Variants in OR2H2 observed in about 807,000 individuals in gnomAD.
OR2H2 encodes olfactory receptor 2H2.
For synonymous variants in OR2H2, 146 were observed against 132.4 expected (o/e 1.10, Z -0.71); for missense variants, 295 against 313.7 (o/e 0.94, Z 0.45).
rs1562047505 is a variant in OR2H2 at position 29,588,325 on chromosome 6, C to A, written c.381C>A (p.Pro127=). The part of the protein sequence containing the change: ...AFDRYVAVCQ[P]LHYATIIHPR... The stretch of plus-strand genomic sequence containing the variant: ...ATCGCTACGTGGCTGTCTGCCAGCC[C>A]CTCCACTATGCCACCATCATCCACC... Residue 127 remains proline (P), a synonymous_variant, in exon 2 of 2, where the codon CCC becomes CCA. Transcript: ENST00000641840. 3 of 1,613,026 alleles carry A rather than the reference C, an allele frequency of 1.9e-6. No homozygotes were observed. Among genetic ancestry groups the A allele is most frequent in the Admixed American group, 3.3e-5 (2 of 60,026 alleles).
Position 29,585,277 on chromosome 6 carries a change from G to T in OR2H2, c.-349G>T, listed in dbSNP as rs960649780. The T allele has an allele frequency of 1.3e-5, 2 of 152,174 alleles. No homozygotes were observed. Among genetic ancestry groups the T allele is most frequent in the African/African-American group, 4.8e-5 (2 of 41,438 alleles). The allele number at this position is 152,174 out of a possible 1,614,324, so 9.4% of individuals were successfully genotyped here. ...TTTTGTTTCTTCCTGATGTACAAGT[G>T]GAGGCTGGGCACCAGTTAAGAGCTC... On this transcript the variant is annotated 5_prime_UTR_variant, in exon 1 of 2. Coordinates refer to ENST00000641840, the MANE Select transcript of OR2H2 (RefSeq NM_007160.4).
chr6:29,588,493 T>G lies in OR2H2; in HGVS notation c.549T>G (p.Ile183Met). The change falls in exon 2 of 2, where the codon ATT (isoleucine) becomes ATG (methionine). Residue 183 changes from isoleucine to methionine, a missense_variant. Transcript: ENST00000641840. ...TTGTCTGTGAGGTCCCAGCTCTAATTCGACTCTCCTGTGAAGACACCTCCT... is the reference window on the plus strand; with the variant it reads ...TTGTCTGTGAGGTCCCAGCTCTAATGCGACTCTCCTGTGAAGACACCTCCT... ...DDFVCEVPAL[I>M]RLSCEDTSYN... 1 of 1,054,856 alleles carries G rather than the reference T, an allele frequency of 9.5e-7. No individual in the cohort carries two copies. Among genetic ancestry groups the G allele is most frequent in the South Asian group, 1.3e-5 (1 of 79,984 alleles). The allele number at this position is 1,054,856 out of a possible 1,614,324, so 65.3% of individuals were successfully genotyped here.
chr6:29,587,800 G>A lies in OR2H2; in HGVS notation c.-145G>A. On this transcript the variant is annotated 5_prime_UTR_variant, in exon 2 of 2. Coordinates refer to ENST00000641840, the MANE Select transcript of OR2H2 (RefSeq NM_007160.4). ...GAGCTGCTGGATGGTGATGAGCCTT[G>A]GAAAGGGAGGCTGGGCGAGCAGAGA... 1 of 633,680 alleles carries A rather than the reference G, an allele frequency of 1.6e-6. No individual in the cohort carries two copies. 39.3% of individuals were successfully genotyped at this position (633,680 alleles called of 1,614,324 possible).
rs2127361631 is a variant in OR2H2 at position 29,589,157 on chromosome 6, T to C, written c.*274T>C. On this transcript the variant is annotated 3_prime_UTR_variant, in exon 2 of 2. Transcript: ENST00000641840. ...GCCTCCATAGTCATGTTCCTACCTT[T>C]ATCACTTCCATTTTTAATTCCCCTC... 2.3e-6 allele frequency: 1 copy of C among 433,294 alleles called. No individual in the cohort carries two copies. The allele number at this position is 433,294 out of a possible 1,614,324, so 26.8% of individuals were successfully genotyped here.
In OR2H2 at chr6:29,589,249, C is replaced by A; in HGVS notation, c.*366C>A. The A allele has an allele frequency of 4.2e-6, 1 of 235,310 alleles. No homozygotes were observed. Among genetic ancestry groups the A allele is most frequent in the Non-Finnish European group, 8.3e-6 (1 of 120,740 alleles). 14.6% of individuals were successfully genotyped at this position (235,310 alleles called of 1,614,324 possible). On this transcript the variant is annotated 3_prime_UTR_variant, in exon 2 of 2. Transcript: ENST00000641840. ...TCCTACCATATCTTCTTTGCTTCTC[C>A]CTCATGTTTTTCCCACTTCACTATA...
chr6:29,587,791 A>G lies in OR2H2; in HGVS notation c.-154A>G. On this transcript the variant is annotated 5_prime_UTR_variant, in exon 2 of 2. An upstream start codon of the reference 5' UTR is lost. Transcript: ENST00000641840. The stretch of plus-strand genomic sequence containing the variant: ...AATGAGAAGGAGCTGCTGGATGGTG[A>G]TGAGCCTTGGAAAGGGAGGCTGGGC... 1 of 617,504 alleles carries G rather than the reference A, an allele frequency of 1.6e-6. No homozygotes were observed. The highest frequency in any genetic ancestry group is 2.1e-5 in the South Asian group (1 of 47,408). The allele number at this position is 617,504 out of a possible 1,614,324, so 38.3% of individuals were successfully genotyped here.
intron 1 of OR2H2, among the ~76,000 whole-genome samples, chr6:29,586,935 C>T (rs1760302527): frequency 6.6e-6 from 1 of 152,108 alleles, no homozygotes; most frequent in African/African-American, 2.4e-5. Context: ...ACCCCCAGCC[C>T]TCAACTGACC....
chr6:29,590,132 T>G lies in OR2H2; in HGVS notation c.*1249T>G, dbSNP rs1009993017. On this transcript the variant is annotated 3_prime_UTR_variant, in exon 2 of 2. Transcript: ENST00000641840. Reference sequence around the variant, plus strand: ...GTCAAAGTCAGGAACCCCCTGCAATTTACACATATTGACTTATTTAACCCT... The same window carrying G: ...GTCAAAGTCAGGAACCCCCTGCAATGTACACATATTGACTTATTTAACCCT... 1.3e-5 allele frequency: 2 copies of G among 152,204 alleles called. No individual in the cohort carries two copies. Among genetic ancestry groups the G allele is most frequent in the African/African-American group, 4.8e-5 (2 of 41,446 alleles). The allele number at this position is 152,204 out of a possible 1,614,324, so 9.4% of individuals were successfully genotyped here. A position where few individuals can be genotyped will look rare whatever the true frequency, so the allele number is the denominator to read the frequency against.
rs1472044714 is a variant in OR2H2 at position 29,589,419 on chromosome 6, T to G, written c.*536T>G. The G allele has an allele frequency of 6.5e-6, 1 of 154,162 alleles. No individual in the cohort carries two copies. The highest frequency in any genetic ancestry group is 1.4e-5 in the Non-Finnish European group (1 of 69,438). The allele number at this position is 154,162 out of a possible 1,614,324, so 9.5% of individuals were successfully genotyped here. On this transcript the variant is annotated 3_prime_UTR_variant, in exon 2 of 2. Coordinates refer to ENST00000641840, the MANE Select transcript of OR2H2 (RefSeq NM_007160.4). ...AACTAAAATCCAGGCCCCATAATTT[T>G]CAGTCAGGCAACTCTCAAATACACA... is the stretch of plus-strand genomic sequence containing the variant.
chr6:29,588,402 A>C lies in OR2H2; in HGVS notation c.458A>C (p.Glu153Ala). 1 of 1,592,674 alleles carries C rather than the reference A, an allele frequency of 6.3e-7. No individual in the cohort carries two copies. The highest frequency in any genetic ancestry group is 1.1e-5 in the South Asian group (1 of 90,596). ...GTGGCCTGGGTCATTGGGCTAGTGG[A>C]GTCAGTGGTCCAGACACCATCCACC... is the stretch of plus-strand genomic sequence containing the variant. Reference protein sequence around the residue: ...ASVAWVIGLVESVVQTPSTLH... With the variant: ...ASVAWVIGLVASVVQTPSTLH... Residue 153 changes from glutamate (E) to alanine (A), a missense_variant, in exon 2 of 2, where the codon GAG (glutamate) becomes GCG (alanine). By Grantham distance (107) the Glu-to-Ala change is moderately radical. Coordinates refer to ENST00000641840, the MANE Select transcript of OR2H2 (RefSeq NM_007160.4).
In OR2H2 at chr6:29,588,532, G is replaced by A; in HGVS notation, c.588G>A (p.Gln196=). The stretch of plus-strand genomic sequence containing the variant: ...AAGACACCTCCTACAATGAGATCCA[G>A]GTGGCTGTTGCCAGTGTCTTCATCT... ...SCEDTSYNEI[Q]VAVASVFILV... is the part of the protein sequence containing the mutation. Residue 196 remains glutamine (Q), a synonymous_variant, in exon 2 of 2, where the codon CAG becomes CAA. Transcript: ENST00000641840. 1 of 953,610 alleles carries A rather than the reference G, an allele frequency of 1.0e-6. No individual in the cohort carries two copies. The highest frequency in any genetic ancestry group is 1.6e-5 in the African/African-American group (1 of 62,450). 59.1% of individuals were successfully genotyped at this position (953,610 alleles called of 1,614,324 possible).
rs768657039 is a variant in OR2H2 at position 29,589,562 on chromosome 6, G to A, written c.*679G>A. 6.6e-6 allele frequency: 1 copy of A among 152,236 alleles called. No homozygotes were observed. The highest frequency in any genetic ancestry group is 2.4e-5 in the African/African-American group (1 of 41,432). 9.4% of individuals were successfully genotyped at this position (152,236 alleles called of 1,614,324 possible). ...ACAATGCCCACAAATCGCAGGTAAA[G>A]GAGCAGCCAAAAAGACACAAAAATA... On this transcript the variant is annotated 3_prime_UTR_variant, in exon 2 of 2. Coordinates refer to ENST00000641840, the MANE Select transcript of OR2H2 (RefSeq NM_007160.4).
In OR2H2 at chr6:29,589,092, C is replaced by T. The variant is rs1362326682; in HGVS notation, c.*209C>T. 2 of 557,072 alleles carry T rather than the reference C, an allele frequency of 3.6e-6. No individual in the cohort carries two copies. Among genetic ancestry groups the T allele is most frequent in the Non-Finnish European group, 6.5e-6 (2 of 308,810 alleles). The allele number at this position is 557,072 out of a possible 1,614,324, so 34.5% of individuals were successfully genotyped here. A position where few individuals can be genotyped will look rare whatever the true frequency, so the allele number is the denominator to read the frequency against. On this transcript the variant is annotated 3_prime_UTR_variant, in exon 2 of 2. Transcript: ENST00000641840. ...GTATCTTTATGCGAAAAATTATAGG[C>T]ATCAAGTATATTTTATATTTTTTTC...
At position 29,587,981 on chromosome 6, in the gene OR2H2, C is replaced by G; in HGVS notation, c.37C>G (p.Leu13Val). 1 of 983,408 alleles carries G rather than the reference C, an allele frequency of 1.0e-6. No homozygotes were observed. Among genetic ancestry groups the G allele is most frequent in the Non-Finnish European group, 1.7e-6 (1 of 602,476 alleles). The allele number at this position is 983,408 out of a possible 1,614,324, so 60.9% of individuals were successfully genotyped here. Residue 13 changes from leucine (L) to valine (V), a missense_variant, in exon 2 of 2, where the codon CTG (leucine) becomes GTG (valine). Leu to Val is a conservative substitution (Grantham distance 32). Coordinates refer to ENST00000641840, the MANE Select transcript of OR2H2 (RefSeq NM_007160.4). ...AAGCTCCACACCGGGCTTCCTCCTT[C>G]TGGGCTTCTCTGAACACCCAGGGCT... ...NQSSTPGFLL[L>V]GFSEHPGLER...
rs147787756 is a variant in OR2H2 at position 29,588,197 on chromosome 6, G to A, written c.253G>A (p.Gly85Ser). ...CVPQMLVNLW[G>S]PKKTISFLDC... Reference sequence around the variant, plus strand: ...TCCCCAAATGCTGGTCAACCTCTGGGGCCCAAAGAAGACCATCAGCTTCCT... The same window carrying A: ...TCCCCAAATGCTGGTCAACCTCTGGAGCCCAAAGAAGACCATCAGCTTCCT... The change falls in exon 2 of 2, where the codon GGC becomes AGC. Residue 85 changes from glycine to serine, a missense_variant. By Grantham distance (56) the Gly-to-Ser change is moderately conservative. Transcript: ENST00000641840. 2.0e-6 allele frequency: 3 copies of A among 1,491,976 alleles called. No homozygotes were observed. Among genetic ancestry groups the A allele is most frequent in the Non-Finnish European group, 1.9e-6 (2 of 1,069,934 alleles). The allele number at this position is 1,491,976 out of a possible 1,614,324, so 92.4% of individuals were successfully genotyped here. A position where few individuals can be genotyped will look rare whatever the true frequency, so the allele number is the denominator to read the frequency against.
At position 29,588,761 on chromosome 6, in the gene OR2H2, G is replaced by C. The variant is rs150027625; in HGVS notation, c.817G>C (p.Gly273Arg). The C allele has an allele frequency of 3.6e-6, 4 of 1,124,322 alleles. No homozygotes were observed. The African/African-American group carries it at 6.1e-5, about 17-fold the overall frequency. 69.6% of individuals were successfully genotyped at this position (1,124,322 alleles called of 1,614,324 possible). The change falls in exon 2 of 2, where the codon GGT (glycine) becomes CGT (arginine). Residue 273 changes from glycine (G) to arginine (R), a missense_variant. Gly to Arg is a moderately radical substitution (Grantham distance 125). Coordinates refer to ENST00000641840, the MANE Select transcript of OR2H2 (RefSeq NM_007160.4). ...TGCCCAAGAGAGGGGCAAGTTCTTT[G>C]GTCTCTTCTATGCAGTGGGCACTCC... The part of the protein sequence containing the change: ...PYAQERGKFF[G>R]LFYAVGTPSL...
chr6:29,587,730 C>G lies in OR2H2; in HGVS notation c.-215C>G, dbSNP rs1760360234. 1.9e-6 allele frequency: 1 copy of G among 526,794 alleles called. No homozygotes were observed. The highest frequency in any genetic ancestry group is 2.9e-5 in the East Asian group (1 of 33,900). The allele number at this position is 526,794 out of a possible 1,614,324, so 32.6% of individuals were successfully genotyped here. On this transcript the variant is annotated 5_prime_UTR_variant, in exon 2 of 2. Transcript: ENST00000641840. ...GTCCAGTACATTCATGGATTCCTCA[C>G]TCTCACTAGACAATGTTTGACCAGG...
chr6:29,589,494 C>T lies in OR2H2; in HGVS notation c.*611C>T, dbSNP rs1326841370. The T allele has an allele frequency of 1.3e-5, 2 of 152,480 alleles. No homozygotes were observed. Among genetic ancestry groups the T allele is most frequent in the Non-Finnish European group, 2.9e-5 (2 of 68,144 alleles). The allele number at this position is 152,480 out of a possible 1,614,324, so 9.4% of individuals were successfully genotyped here. The stretch of plus-strand genomic sequence containing the variant: ...ATATCCCAGTATTTCAGGCTTGAGC[C>T]TTACAAAGGAAACTTAGCTTCTTCA... On this transcript the variant is annotated 3_prime_UTR_variant, in exon 2 of 2. Coordinates refer to ENST00000641840, the MANE Select transcript of OR2H2 (RefSeq NM_007160.4).
chr6:29,589,785 C>T lies in OR2H2; in HGVS notation c.*902C>T, dbSNP rs1760549850. On this transcript the variant is annotated 3_prime_UTR_variant, in exon 2 of 2. Coordinates refer to ENST00000641840, the MANE Select transcript of OR2H2 (RefSeq NM_007160.4). The stretch of plus-strand genomic sequence containing the variant: ...AAGTAACACTTAAAGTACAGATGCT[C>T]CTTGACTTATAATGATGTTACCTCC... The T allele has an allele frequency of 6.6e-6, 1 of 152,126 alleles. No individual in the cohort carries two copies. The highest frequency in any genetic ancestry group is 2.1e-4 in the South Asian group (1 of 4,816). 9.4% of individuals were successfully genotyped at this position (152,126 alleles called of 1,614,324 possible). A position where few individuals can be genotyped will look rare whatever the true frequency, so the allele number is the denominator to read the frequency against.
Sources: gnomAD v4.1 joint callset for allele counts (sites outside exome capture counted in the v4.1 genomes callset) on GRCh38, gnomAD v4.1.1 for gene constraint, MANE v1.5 for transcripts, NCBI Gene and HGNC (gene_info 2026-07-23, HGNC 2026-07-21) for gene names.